Variants in LSAMP observed in about 807,000 individuals in gnomAD.
LSAMP encodes the protein limbic system-associated membrane protein.
A neutral mutation model predicts 38.6 loss-of-function variants in LSAMP; 7 were observed. The observed-to-expected ratio is 0.18, with a 90% CI of 0.10 to 0.34. LSAMP has a LOEUF of 0.34. Among genes scored for constraint, LSAMP ranks in the 10% least tolerant of loss-of-function variants. LSAMP has a pLI of 1.00. For synonymous variants in LSAMP, 154 were observed against 166.8 expected (o/e 0.92, Z 0.59); for missense variants, 313 against 420.0 (o/e 0.75, Z 2.23).
At chr3:116,079,165 A>T (rs1707816460) in intron 2 of LSAMP, among the ~76,000 whole-genome samples, 1 of 152,084 alleles carries the variant, frequency 6.6e-6, no homozygotes, top group African/African-American at 2.4e-5. Flanking sequence ...CAATATTTTT[A>T]TTTACTTCCT....
At chr3:116,081,045 G>A (rs1259571844) in intron 2 of LSAMP, among the ~76,000 whole-genome samples, 3 of 152,200 alleles carry the variant, frequency 2.0e-5, no homozygotes, top group Non-Finnish European at 2.9e-5. Flanking sequence ...AGAGAAAAAT[G>A]AGATACCGTC....
At chr3:116,306,476 A>G (rs2047486645) in intron 1 of LSAMP, among the ~76,000 whole-genome samples, 1 of 152,020 alleles carries the variant, frequency 6.6e-6, no homozygotes, top group African/African-American at 2.4e-5. Context: ...GATGGCTTGT[A>G]ATGGGAATGA....
At chr3:115,829,696 T>G (rs775545990) in intron 6 of LSAMP, among the ~76,000 whole-genome samples, 1 of 147,578 alleles carries the variant, frequency 6.8e-6, no homozygotes, top group Non-Finnish European at 1.5e-5. Context: ...CCAGGAACTG[T>G]GTGCAATTTT....
At chr3:116,011,592 T>A (rs1284493282) in intron 3 of LSAMP, among the ~76,000 whole-genome samples, 1 of 152,132 alleles carries the variant, frequency 6.6e-6, no homozygotes, top group African/African-American at 2.4e-5. Context: ...AACCTGACCA[T>A]TTCCATACTT....
chr3:116,024,271 A>C (rs1010282306), intron 2 of LSAMP, among the ~76,000 whole-genome samples: 5 of 152,204 alleles, frequency 3.3e-5, no homozygotes, highest in African/African-American at 4.8e-5. Flanking sequence ...AGAACATAGT[A>C]GGTGCTCAAA....
intron 1 of LSAMP, among the ~76,000 whole-genome samples, chr3:116,129,062 T>C (rs531212217): frequency 2.0e-5 from 3 of 152,202 alleles, no homozygotes; most frequent in Admixed American, 6.5e-5. Context: ...GACAAGAGTA[T>C]GTAGAACTAA....
rs573882797 is a variant in LSAMP at position 116,203,994 on chromosome 3, T to G, written c.156-117438A>C. On this transcript the variant is annotated intron_variant, in intron 1 of 6. Coordinates refer to ENST00000490035, the MANE Select transcript of LSAMP (RefSeq NM_002338.5). ...TCGCCACGCTGACTTCAACAATGGT[T>G]GAACTAGTTTACAGTCCCACCAACA... Among the ~76,000 whole-genome samples the G allele has an allele frequency of 1.2e-4, 19 of 152,174 alleles. No homozygotes were observed. The South Asian group carries it at 3.7e-3, about 30-fold the overall frequency.
At chr3:116,366,502 T>C (rs2048355825) in intron 1 of LSAMP, among the ~76,000 whole-genome samples, 1 of 152,200 alleles carries the variant, frequency 6.6e-6, no homozygotes, top group Non-Finnish European at 1.5e-5. Flanking sequence ...TGGTTCTTTG[T>C]GCCACTCAGG....
chr3:116,066,081 A>G (rs542486928), intron 2 of LSAMP, among the ~76,000 whole-genome samples: 1 of 152,322 alleles, frequency 6.6e-6, no homozygotes, highest in Admixed American at 6.5e-5. Context: ...ACAATTCTGG[A>G]GACCGAGAAG....
chr3:116,212,270 G>A (rs1160183865), intron 1 of LSAMP, among the ~76,000 whole-genome samples: 1 of 152,152 alleles, frequency 6.6e-6, no homozygotes, highest in Non-Finnish European at 1.5e-5. Flanking sequence ...AAGTGATTCA[G>A]GAGTAATAAA....
At chr3:116,024,315 A>T (rs2107693947) in intron 2 of LSAMP, among the ~76,000 whole-genome samples, 1 of 152,324 alleles carries the variant, frequency 6.6e-6, no homozygotes, top group African/African-American at 2.4e-5. Flanking sequence ...AGTTTTTCCC[A>T]ACTCTTTACT....
chr3:116,349,305 TGTGAAG>T (rs1368986147), intron 1 of LSAMP, among the ~76,000 whole-genome samples: 1 of 152,040 alleles, frequency 6.6e-6, no homozygotes, highest in Non-Finnish European at 1.5e-5. Context: ...TTAAGTATGA[TGTGAAG>T]TCCATACTGT....
chr3:116,001,978 T>A (rs994113453), intron 3 of LSAMP, among the ~76,000 whole-genome samples: 1 of 152,226 alleles, frequency 6.6e-6, no homozygotes, highest in South Asian at 2.1e-4. Context: ...ATCACCCTCC[T>A]CTTAACGAAC....
chr3:116,423,235 C>T (rs185692411), intron 1 of LSAMP, among the ~76,000 whole-genome samples: 1 of 152,130 alleles, frequency 6.6e-6, no homozygotes. Flanking sequence ...AAAAAACTTG[C>T]AACAGAAGGA....
At chr3:115,896,796 G>A (rs1331808349) in intron 3 of LSAMP, among the ~76,000 whole-genome samples, 1 of 152,078 alleles carries the variant, frequency 6.6e-6, no homozygotes, top group Non-Finnish European at 1.5e-5. Flanking sequence ...GTTATCCTCA[G>A]TGAAAGGACT....
At chr3:116,311,183 A>T (rs532299265) in intron 1 of LSAMP, among the ~76,000 whole-genome samples, 4 of 152,252 alleles carry the variant, frequency 2.6e-5, no homozygotes, top group Non-Finnish European at 4.4e-5. Flanking sequence ...AACCATAAAG[A>T]TAACCTCAAA....
intron 1 of LSAMP, among the ~76,000 whole-genome samples, chr3:116,355,778 C>A (rs1209732232): frequency 6.6e-6 from 1 of 152,112 alleles, no homozygotes; most frequent in Non-Finnish European, 1.5e-5. Context: ...TCTGAATGGA[C>A]ATTTCCCAAA....
chr3:116,111,313 GA>G (rs1312743885), intron 1 of LSAMP, among the ~76,000 whole-genome samples: 1 of 152,194 alleles, frequency 6.6e-6, no homozygotes, highest in African/African-American at 2.4e-5. Context: ...CTGTCACTGA[GA>G]AATGGTAGGA....
At chr3:116,260,744 C>T (rs546613318) in intron 1 of LSAMP, among the ~76,000 whole-genome samples, 2 of 152,226 alleles carry the variant, frequency 1.3e-5, no homozygotes, top group South Asian at 2.1e-4. Context: ...CCTCAACCTA[C>T]GTGAGGCTTA....
Sources: allele counts gnomAD v4.1 joint callset (sites outside exome capture counted in the v4.1 genomes callset), GRCh38; gene constraint gnomAD v4.1.1; transcripts MANE v1.5; gene names NCBI Gene and HGNC (gene_info 2026-07-23, HGNC 2026-07-21).